DHX29: variants seen among roughly 807,000 people sequenced by gnomAD.
DHX29 encodes ATP-dependent RNA helicase DHX29.
DHX29 carries 79 observed loss-of-function variants against 167.9 expected under a neutral mutation model. The observed-to-expected ratio is 0.47, with a 90% CI of 0.39 to 0.57. DHX29 has a LOEUF of 0.57. Ranked by LOEUF, DHX29 falls within the 20% of genes least tolerant of loss-of-function variation. The pLI is 0.00. For missense variants in DHX29, 1,347 were observed against 1,593.4 expected (o/e 0.85, Z 2.63); for synonymous variants, 530 against 546.0 (o/e 0.97, Z 0.41).
At chr5:55,256,825 C>T (rs781156445) in intron 26 of DHX29, among the ~76,000 whole-genome samples, 13 of 152,164 alleles carry the variant, frequency 8.5e-5, no homozygotes, top group Non-Finnish European at 1.5e-4. Flanking sequence ...TGAAATGTTA[C>T]TTCTTTATAA....
chr5:55,302,649 A>C (rs1250154174), intron 1 of DHX29, among the ~76,000 whole-genome samples: 4 of 152,056 alleles, frequency 2.6e-5, no homozygotes, highest in African/African-American at 9.7e-5. Flanking sequence ...GAAAAGATTA[A>C]AGTAAAATTC....
At chr5:55,273,041 A>G (rs563359651) in intron 17 of DHX29, among the ~76,000 whole-genome samples, 6 of 152,346 alleles carry the variant, frequency 3.9e-5, no homozygotes, top group Admixed American at 3.9e-4. Context: ...GGCAACATCC[A>G]TACTATGTTT....
chr5:55,286,704 C>G (rs1398272738), intron 8 of DHX29, among the ~76,000 whole-genome samples: 2 of 152,240 alleles, frequency 1.3e-5, no homozygotes, highest in African/African-American at 4.8e-5. Flanking sequence ...GAACAGCAGA[C>G]ATAGCCACAT....
chr5:55,267,414 G>A (rs3810849), intron 22 of DHX29, among the ~76,000 whole-genome samples, 183 bp from the exon 23 acceptor site: 7,681 of 152,062 alleles, frequency 0.051, 360 homozygotes, highest in Admixed American at 0.12. Context: ...TTACAGCATT[G>A]ACAGATATTT....
intron 11 of DHX29, among the ~76,000 whole-genome samples, chr5:55,282,045 CA>C (rs2111886844): frequency 6.6e-6 from 1 of 152,266 alleles, no homozygotes; most frequent in East Asian, 1.9e-4. Context: ...CTCAGCCTCC[CA>C]AAGTGCTAGG....
chr5:55,275,085 G>T, intron 14 of DHX29, 75 bp from the exon 15 acceptor site: 1 of 1,506,942 alleles, frequency 6.6e-7, no homozygotes, highest in Admixed American at 2.1e-5. Context: ...GAAAAAAGGC[G>T]GTATTTGCAT....
intron 26 of DHX29, among the ~76,000 whole-genome samples, chr5:55,257,436 A>C (rs550617798): frequency 1.3e-5 from 2 of 152,126 alleles, no homozygotes; most frequent in East Asian, 1.9e-4. Flanking sequence ...TTTCTTTTTT[A>C]TTTTTTAAGA....
chr5:55,269,325 A>T, intron 21 of DHX29, 88 bp downstream of exon 21: 1 of 1,329,540 alleles, frequency 7.5e-7, no homozygotes, highest in Non-Finnish European at 1.0e-6. Context: ...TAGTTAAAAA[A>T]ATTTTTACTT....
At chr5:55,271,996 C>T (rs1746874012) in intron 18 of DHX29, 91 bp downstream of exon 18, 3 of 724,620 alleles carry the variant, frequency 4.1e-6, no homozygotes, top group East Asian at 2.9e-5. Flanking sequence ...TAGGATTTTC[C>T]CTAAATAATT....
intron 5 of DHX29, 185 bp downstream of exon 5, chr5:55,295,194 G>A (rs1039776756): frequency 1.1e-5 from 6 of 560,886 alleles, no homozygotes; most frequent in African/African-American, 1.9e-5. Context: ...GTTGGTTTAA[G>A]CCACTACATT....
At chr5:55,268,625 T>C (rs1746698673) in intron 21 of DHX29, among the ~76,000 whole-genome samples, 1 of 152,040 alleles carries the variant, frequency 6.6e-6, no homozygotes, top group South Asian at 2.1e-4. Flanking sequence ...AGAATCAGGG[T>C]CTCACTATGT....
intron 9 of DHX29, 35 bp downstream of exon 9, chr5:55,285,661 C>A: frequency 2.0e-6 from 3 of 1,522,978 alleles, no homozygotes; most frequent in South Asian, 2.6e-5. Flanking sequence ...AAAGTTCATT[C>A]AGTTAATTAA....
intron 14 of DHX29, 63 bp downstream of exon 14, chr5:55,276,203 T>C (rs1747102887): frequency 1.5e-6 from 2 of 1,375,042 alleles, no homozygotes; most frequent in Non-Finnish European, 9.8e-7. Context: ...ATTTTGAAAC[T>C]CTTGTGGCAG....
chr5:55,273,704 G>A (rs769327988), intron 16 of DHX29, among the ~76,000 whole-genome samples: 13 of 152,112 alleles, frequency 8.5e-5, no homozygotes, highest in Non-Finnish European at 1.5e-4. Context: ...ATAAACTGCA[G>A]CTTGGTTGGA....
At position 55,285,196 on chromosome 5, in the gene DHX29, A is replaced by G. The variant is rs1747654231; in HGVS notation, c.1356+97T>C. 2.0e-6 allele frequency: 3 copies of G among 1,497,322 alleles called. No homozygotes were observed. In the East Asian group the frequency reaches 6.9e-5, roughly 35 times the overall value. 92.8% of individuals were successfully genotyped at this position (1,497,322 alleles called of 1,614,324 possible). A position where few individuals can be genotyped will look rare whatever the true frequency, so the allele number is the denominator to read the frequency against. On this transcript the variant is annotated intron_variant, in intron 10 of 26. Transcript: ENST00000251636. The stretch of plus-strand genomic sequence containing the variant: ...GAAGCCAAATTAGGAATAATGAGAA[A>G]GGATTAATCAGAAGAAACAGTCAAT...
At position 55,295,448 on chromosome 5, in the gene DHX29, T is replaced by C. The variant is rs1748266041; in HGVS notation, c.582A>G (p.Gln194=). Residue 194 remains glutamine (Q), a synonymous_variant, in exon 5 of 27, where the codon CAA becomes CAG. Coordinates refer to ENST00000251636, the MANE Select transcript of DHX29 (RefSeq NM_019030.4). ...PKSRPKFQSP[Q]IQATISPPLQ... Reference sequence around the variant, plus strand: ...ATGGAGGTGAAATAGTGGCTTGTATTTGAGGAGACTGAAATTTAGGCCTAC... The same window carrying C: ...ATGGAGGTGAAATAGTGGCTTGTATCTGAGGAGACTGAAATTTAGGCCTAC... 1.9e-6 allele frequency: 3 copies of C among 1,613,784 alleles called. No individual in the cohort carries two copies.
At chr5:55,307,324 T>C in intron 1 of DHX29, 63 bp downstream of exon 1, 1 of 1,454,112 alleles carries the variant, frequency 6.9e-7, no homozygotes, top group Non-Finnish European at 9.4e-7. Flanking sequence ...TCTAAGGCCC[T>C]TTCCTCAGGA....
At chr5:55,295,283 A>C in intron 5 of DHX29, 96 bp downstream of exon 5, 1 of 970,300 alleles carries the variant, frequency 1.0e-6, no homozygotes, top group Non-Finnish European at 1.5e-6. Context: ...GTAAGAAGTA[A>C]AAATGTTATA....
At chr5:55,287,934 A>G (rs1187026442) in intron 8 of DHX29, among the ~76,000 whole-genome samples, 1 of 151,040 alleles carries the variant, frequency 6.6e-6, no homozygotes, top group African/African-American at 2.4e-5. Flanking sequence ...GAGCTGGAAA[A>G]AAAGAAAAAA....
Sources: allele counts gnomAD v4.1 joint callset (sites outside exome capture counted in the v4.1 genomes callset), GRCh38; gene constraint gnomAD v4.1.1; transcripts MANE v1.5; gene names NCBI Gene and HGNC (gene_info 2026-07-23, HGNC 2026-07-21).